The following JAK2 variants were observed in gnomAD, a reference collection of about 807,000 sequenced individuals.
JAK2 encodes Janus kinase 2, also known as tyrosine-protein kinase JAK2.
In JAK2, 86 loss-of-function variants were observed where a neutral mutation model predicts 139.3. The observed-to-expected ratio is 0.62, with a 90% CI of 0.52 to 0.74. The LOEUF (loss-of-function observed/expected upper bound fraction) is 0.74, where lower values mean the gene tolerates loss of function less well. JAK2 is among the 30% of genes least tolerant of loss of function. The probability of loss-of-function intolerance (pLI) is 0.00; values close to 1 mark genes in which losing one functional copy is unlikely to be tolerated. For missense variants in JAK2, 1,421 were observed against 1,360.3 expected (o/e 1.04, Z -0.70); for synonymous variants, 490 against 437.7 (o/e 1.12, Z -1.49).
At chr9:5,048,873 C>A (rs1041261526) in intron 5 of JAK2, among the ~76,000 whole-genome samples, 4 of 152,060 alleles carry the variant, frequency 2.6e-5, no homozygotes, top group Non-Finnish European at 5.9e-5. Context: ...AACCTTGATT[C>A]GCATTGTTAT....
intron 4 of JAK2, chr9:5,041,996 G>C (rs1586688663): frequency 5.6e-6 from 2 of 354,930 alleles, no homozygotes; most frequent in East Asian, 1.5e-4. Flanking sequence ...GAGGGCCTTG[G>C]GGCCCACCCA....
intron 4 of JAK2, among the ~76,000 whole-genome samples, chr9:5,042,985 AG>A (rs1381298428): frequency 2.0e-5 from 3 of 152,082 alleles, no homozygotes; most frequent in Non-Finnish European, 1.5e-5. Flanking sequence ...TCAGAAGCTG[AG>A]GGGGGTGGGC....
chr9:4,986,196 G>A (rs534058129), intron 2 of JAK2, among the ~76,000 whole-genome samples, 174 bp downstream of exon 2: 1 of 152,240 alleles, frequency 6.6e-6, no homozygotes, highest in South Asian at 2.1e-4. Flanking sequence ...ATTTTGGGGT[G>A]TTTTGTTGTT....
Position 5,054,921 on chromosome 9 carries a change from T to C in JAK2, c.936+37T>C, listed in dbSNP as rs745316475. On this transcript the variant is annotated intron_variant, in intron 7 of 24. Transcript: ENST00000381652. The surrounding 1 kb of genome is among the most constrained non-coding windows in gnomAD (Gnocchi z 4.9). ...TGATATGTTCTTGTTCTTTGTTATT[T>C]TAAGTACAATGGAAATAAAAACAAA... The C allele has an allele frequency of 7.1e-7, 1 of 1,399,476 alleles. No individual in the cohort carries two copies. The highest frequency in any genetic ancestry group is 1.4e-5 in the South Asian group (1 of 73,692). 86.7% of individuals were successfully genotyped at this position (1,399,476 alleles called of 1,614,324 possible). A position where few individuals can be genotyped will look rare whatever the true frequency, so the allele number is the denominator to read the frequency against.
intron 22 of JAK2, among the ~76,000 whole-genome samples, chr9:5,121,330 G>C (rs1229548027): frequency 2.0e-5 from 3 of 152,278 alleles, no homozygotes; most frequent in African/African-American, 7.2e-5. Context: ...AAGTTCTTAG[G>C]ATAAACATTA....
intron 2 of JAK2, among the ~76,000 whole-genome samples, chr9:5,015,355 G>T (rs1430410806): frequency 1.3e-5 from 2 of 152,152 alleles, no homozygotes; most frequent in South Asian, 2.1e-4. Flanking sequence ...CTATTCAAGG[G>T]TTTAATGAAA....
intron 4 of JAK2, among the ~76,000 whole-genome samples, chr9:5,034,098 C>T (rs957486045): frequency 9.2e-5 from 14 of 152,154 alleles, no homozygotes; most frequent in African/African-American, 3.1e-4. Flanking sequence ...ATCCTAGTCT[C>T]GGATAAAACA....
chr9:5,128,739 A>G lies in JAK2; in HGVS notation c.*1948A>G, dbSNP rs75826419. Among the ~76,000 whole-genome samples, 15,087 of 151,964 alleles carry G rather than the reference A, an allele frequency of 0.099. 2,312 individuals carry two copies. Among genetic ancestry groups the G allele is most frequent in the African/African-American group, 0.34 (13,962 of 41,430 alleles). ...AGACTTCTTTTCATTGAGGCTTCGT[A>G]AAGTTTTCCATTTTGATTCTGACTA... On this transcript the variant is annotated 3_prime_UTR_variant, in exon 25 of 25. Transcript: ENST00000381652.
intron 4 of JAK2, among the ~76,000 whole-genome samples, chr9:5,043,053 C>G (rs1027202198): frequency 6.6e-6 from 1 of 152,186 alleles, no homozygotes; most frequent in Non-Finnish European, 1.5e-5. Flanking sequence ...CGCGCGGGCT[C>G]GTGGCTTCCT....
chr9:5,085,313 C>T, intron 19 of JAK2: 1 of 750,336 alleles, frequency 1.3e-6, no homozygotes, highest in Non-Finnish European at 2.5e-6. Flanking sequence ...AAGTCGAATA[C>T]ATCATCTATT....
chr9:5,048,960 T>A (rs138949482), intron 5 of JAK2, among the ~76,000 whole-genome samples: 71 of 152,298 alleles, frequency 4.7e-4, no homozygotes, highest in African/African-American at 1.7e-3. Context: ...ACTTCTGCTT[T>A]CTTTTTCTTT....
chr9:5,000,823 A>T (rs1260639133), intron 2 of JAK2, among the ~76,000 whole-genome samples: 2 of 152,172 alleles, frequency 1.3e-5, no homozygotes, highest in African/African-American at 2.4e-5. Flanking sequence ...GGTGGTTGGG[A>T]TATGTATAAA....
intron 9 of JAK2, among the ~76,000 whole-genome samples, chr9:5,065,754 G>A (rs16922579): frequency 0.023 from 3,457 of 152,222 alleles, 150 homozygotes; most frequent in African/African-American, 0.08. Context: ...TAGCTAGGAT[G>A]TGGTTTATGT....
At chr9:5,059,237 C>T (rs979737524) in intron 8 of JAK2, among the ~76,000 whole-genome samples, 1 of 152,156 alleles carries the variant, frequency 6.6e-6, no homozygotes, top group Non-Finnish European at 1.5e-5. Context: ...TATTCACCTC[C>T]ACCCCTAACT....
At chr9:5,052,094 G>C (rs552924383) in intron 6 of JAK2, among the ~76,000 whole-genome samples, 1 of 152,204 alleles carries the variant, frequency 6.6e-6, no homozygotes, top group African/African-American at 2.4e-5. Flanking sequence ...AAGGAATTCA[G>C]GGGAACACAG....
In JAK2 at chr9:5,065,022, A is replaced by G. The variant is rs1818469222; in HGVS notation, c.1196A>G (p.Asn399Ser). 1.9e-6 allele frequency: 3 copies of G among 1,596,398 alleles called. No homozygotes were observed. The highest frequency in any genetic ancestry group is 1.7e-6 in the Non-Finnish European group (2 of 1,172,252). ...GCCGTGCTTGAAAATATACAAAGCAACTGTCATGGCCCAATTTCGTGAGTA... is the reference window on the plus strand; with the variant it reads ...GCCGTGCTTGAAAATATACAAAGCAGCTGTCATGGCCCAATTTCGTGAGTA... ...PPAVLENIQS[N>S]CHGPISMDFA... The change falls in exon 9 of 25, where the codon AAC (asparagine) becomes AGC (serine). Residue 399 changes from asparagine to serine, a missense_variant. By Grantham distance (46) the Asn-to-Ser change is conservative (BLOSUM62 1). Transcript: ENST00000381652.
chr9:5,067,735 C>T (rs1428936942), intron 10 of JAK2, among the ~76,000 whole-genome samples: 1 of 151,950 alleles, frequency 6.6e-6, no homozygotes, highest in African/African-American at 2.4e-5. Context: ...ATGCTACAGC[C>T]CTACCTTCAG....
intron 22 of JAK2, among the ~76,000 whole-genome samples, chr9:5,102,172 T>C (rs937086689): frequency 6.6e-6 from 1 of 152,004 alleles, no homozygotes; most frequent in Non-Finnish European, 1.5e-5. Context: ...CTAACTACAA[T>C]AAACAGTGTA....
At chr9:5,112,451 A>G (rs183058279) in intron 22 of JAK2, 5 of 534,958 alleles carry the variant, frequency 9.3e-6, no homozygotes, top group Admixed American at 2.8e-5. Flanking sequence ...GAGAAGAAGG[A>G]GCTGAAGGAC....
Sources: gnomAD v4.1 joint callset for allele counts (sites outside exome capture counted in the v4.1 genomes callset) on GRCh38, gnomAD v4.1.1 for gene constraint, Gnocchi (gnomAD v3.1) non-coding constraint, MANE v1.5 for transcripts, NCBI Gene and HGNC (gene_info 2026-07-23, HGNC 2026-07-21) for gene names.